The following NIPSNAP2 variants were observed in gnomAD, a reference collection of about 807,000 sequenced individuals.
NIPSNAP2 encodes the protein nipsnap homolog 2.
A neutral mutation model predicts 48.4 loss-of-function variants in NIPSNAP2; 42 were observed. The ratio of observed to expected loss-of-function variants is 0.87; its 90% CI spans 0.68 to 1.12. The LOEUF is 1.12. Ranked by LOEUF, NIPSNAP2 falls within the 50% of genes most tolerant of loss-of-function variation. The pLI, the probability that NIPSNAP2 is intolerant of heterozygous loss-of-function variation, is 0.00. For missense variants in NIPSNAP2, 314 were observed against 347.3 expected (o/e 0.90, Z 0.76); for synonymous variants, 158 against 126.6 (o/e 1.25, Z -1.67).
intron 7 of NIPSNAP2, among the ~76,000 whole-genome samples, chr7:55,991,458 A>C (rs1409161052): frequency 2.0e-5 from 3 of 151,798 alleles, no homozygotes; most frequent in African/African-American, 7.3e-5. Flanking sequence ...TATTTAAAAA[A>C]TTATTTGACC....
At chr7:55,997,327 GTGTTTTAAGTCT>G (rs1294066074) in intron 8 of NIPSNAP2, 27 bp from the exon 9 acceptor site, 1 of 1,405,258 alleles carries the variant, frequency 7.1e-7, no homozygotes, top group African/African-American at 1.4e-5. Context: ...TGCAGTGTAT[GTGTTTTAAGTCT>G]TACTTCTCTG....
intron 1 of NIPSNAP2, among the ~76,000 whole-genome samples, chr7:55,971,669 C>A (rs1007548914): frequency 4.6e-5 from 7 of 151,974 alleles, no homozygotes; most frequent in African/African-American, 1.7e-4. Context: ...TCTTCCTATG[C>A]TGCCCAGGCT....
chr7:55,985,107 A>G (rs767320396), intron 7 of NIPSNAP2, among the ~76,000 whole-genome samples: 2 of 152,208 alleles, frequency 1.3e-5, no homozygotes, highest in African/African-American at 2.4e-5. Context: ...ACACATGGCC[A>G]ATCTTGTTTA....
intron 9 of NIPSNAP2, among the ~76,000 whole-genome samples, chr7:55,998,393 A>G (rs1231488961): frequency 6.7e-6 from 1 of 149,108 alleles, no homozygotes; most frequent in African/African-American, 2.5e-5. Context: ...ATTGTATTTG[A>G]TTTTGCTGCT....
In NIPSNAP2 at chr7:55,972,535, C is replaced by T. The variant is rs182035288; in HGVS notation, c.93-5591C>T. 2.8e-3 allele frequency among the ~76,000 whole-genome samples: 416 copies of T among 150,826 alleles called. 8 individuals carry two copies. In the South Asian group the frequency reaches 0.039, roughly 14 times the overall value. The stretch of plus-strand genomic sequence containing the variant: ...ACACCCTGCACCTCCCGGGTTCAAG[C>T]GATTCTCCTGCCTCAGCCTCCTGAG... On this transcript the variant is annotated intron_variant, in intron 1 of 9. Coordinates refer to ENST00000322090, the MANE Select transcript of NIPSNAP2 (RefSeq NM_001483.3).
At position 55,977,062 on chromosome 7, in the gene NIPSNAP2, A is replaced by T. The variant is rs767106557; in HGVS notation, c.93-1064A>T. On this transcript the variant is annotated intron_variant, in intron 1 of 9. Transcript: ENST00000322090. ...TGAGGTTTGTGGGGGCAGTTAAAAA[A>T]TTTTTGATTTTTAAAGTTAATTTTT... 1.5e-4 allele frequency among the ~76,000 whole-genome samples: 23 copies of T among 149,946 alleles called. 1 individual carries two copies. Among genetic ancestry groups the T allele is most frequent in the African/African-American group, 4.9e-4 (20 of 40,822 alleles).
rs775476225 is a variant in NIPSNAP2, at chr7:55,978,331, G to C, written c.233-19G>C. On this transcript the variant is annotated intron_variant, in intron 2 of 9. Transcript: ENST00000322090. ...CCCCTTTGTTCCTAAGTTTATCGTT[G>C]AATTTTCTTTTGTTTCAGTTCACAA... is the stretch of plus-strand genomic sequence containing the variant. The C allele has an allele frequency of 6.8e-6, 11 of 1,612,906 alleles. No homozygotes were observed. The African/African-American group carries it at 1.3e-4, about 20-fold the overall frequency.
At chr7:55,965,765 G>C (rs1786880641) in intron 1 of NIPSNAP2, among the ~76,000 whole-genome samples, 1 of 152,058 alleles carries the variant, frequency 6.6e-6, no homozygotes, top group East Asian at 1.9e-4. Flanking sequence ...ATTTTTAGTA[G>C]AGACGGGGTT....
chr7:55,996,715 C>G (rs1584353462), intron 8 of NIPSNAP2, among the ~76,000 whole-genome samples: 2 of 152,224 alleles, frequency 1.3e-5, no homozygotes, highest in South Asian at 2.1e-4. Flanking sequence ...ATCTTAGATT[C>G]ACTAGATTGT....
At chr7:55,993,321 C>T (rs574925339) in intron 7 of NIPSNAP2, among the ~76,000 whole-genome samples, 13 of 151,352 alleles carry the variant, frequency 8.6e-5, no homozygotes, top group African/African-American at 2.4e-4. Context: ...GTAGGCTGGC[C>T]TGGTGGCTCA....
chr7:55,965,590 A>G (rs1418053980), intron 1 of NIPSNAP2, among the ~76,000 whole-genome samples: 3 of 151,970 alleles, frequency 2.0e-5, no homozygotes, highest in African/African-American at 7.2e-5. Context: ...TTATTTATTT[A>G]TATTTTTGAG....
intron 6 of NIPSNAP2, among the ~76,000 whole-genome samples, chr7:55,984,190 G>C (rs1787280052): frequency 6.6e-6 from 1 of 152,138 alleles, no homozygotes; most frequent in Admixed American, 6.6e-5. Flanking sequence ...AATAAACACT[G>C]TGACTGTTGA....
At chr7:55,987,461 C>G (rs1787355012) in intron 7 of NIPSNAP2, among the ~76,000 whole-genome samples, 1 of 152,120 alleles carries the variant, frequency 6.6e-6, no homozygotes, top group Admixed American at 6.6e-5. Flanking sequence ...AACCCCGTCT[C>G]TACTAAAAAT....
intron 5 of NIPSNAP2, among the ~76,000 whole-genome samples, chr7:55,982,720 C>G (rs1252243584): frequency 6.6e-6 from 1 of 150,492 alleles, no homozygotes; most frequent in African/African-American, 2.4e-5. Flanking sequence ...CCACTGTACT[C>G]CAGCCTGGGC....
intron 1 of NIPSNAP2, among the ~76,000 whole-genome samples, chr7:55,975,104 A>G (rs933186660): frequency 6.6e-6 from 1 of 151,706 alleles, no homozygotes; most frequent in East Asian, 2.0e-4. Context: ...CGAAATCTCA[A>G]CACTTCAGGA....
chr7:55,991,006 A>T (rs1401549621), intron 7 of NIPSNAP2, among the ~76,000 whole-genome samples: 1 of 151,768 alleles, frequency 6.6e-6, no homozygotes, highest in African/African-American at 2.4e-5. Flanking sequence ...GGCCAGGCTG[A>T]TCTCGAACTT....
At chr7:55,974,862 A>AG (rs1436495819) in intron 1 of NIPSNAP2, among the ~76,000 whole-genome samples, 8 of 149,024 alleles carry the variant, frequency 5.4e-5, no homozygotes, top group African/African-American at 1.5e-4. Context: ...AAAAAAAAAA[A>AG]AAAAAGAAAT....
At chr7:55,986,343 A>T (rs892883811) in intron 7 of NIPSNAP2, among the ~76,000 whole-genome samples, 1 of 151,994 alleles carries the variant, frequency 6.6e-6, no homozygotes, top group African/African-American at 2.4e-5. Flanking sequence ...TCAGCCTGGG[A>T]GAGAATAAGA....
intron 1 of NIPSNAP2, among the ~76,000 whole-genome samples, chr7:55,976,224 C>T (rs966545197): frequency 1.5e-4 from 23 of 152,188 alleles, no homozygotes; most frequent in African/African-American, 5.5e-4. Flanking sequence ...GGCTTTTTTA[C>T]AGAATTTATC....
Sources: gnomAD v4.1 joint callset for allele counts (sites outside exome capture counted in the v4.1 genomes callset) on GRCh38, gnomAD v4.1.1 for gene constraint, MANE v1.5 for transcripts, NCBI Gene and HGNC (gene_info 2026-07-23, HGNC 2026-07-21) for gene names.